The following TRIM26 variants were observed in gnomAD, a reference collection of about 807,000 sequenced individuals.
The protein encoded by TRIM26 is tripartite motif containing 26.
A neutral mutation model predicts 45.5 loss-of-function variants in TRIM26; 16 were observed. The ratio of observed to expected loss-of-function variants is 0.35; its 90% CI spans 0.24 to 0.53. The LOEUF is 0.53. Among genes scored for constraint, TRIM26 ranks in the 20% least tolerant of loss-of-function variants. The pLI, the probability that TRIM26 is intolerant of heterozygous loss-of-function variation, is 0.92. For missense variants in TRIM26, 442 were observed against 691.1 expected, an observed-to-expected ratio of 0.64 and a Z score of 4.04; for synonymous variants, 273 against 290.4, an observed-to-expected ratio of 0.94 and a Z score of 0.61.
rs1775261951 is a variant in TRIM26, at chr6:30,186,977, A to G, written c.938-419T>C. On this transcript the variant is annotated intron_variant, in intron 9 of 9. Transcript: ENST00000454678. This position sits in a 1 kb window ranked among gnomAD's most constrained non-coding sequence, Gnocchi z 7.4. The stretch of plus-strand genomic sequence containing the variant: ...TCCTCTTTTTCAAGTAACTCTTGAT[A>G]TGCTTCTTGGTAATCCGGATCAGCT... 2 of 442,114 alleles carry G rather than the reference A, an allele frequency of 4.5e-6. No individual in the cohort carries two copies. Among genetic ancestry groups the G allele is most frequent in the Admixed American group, 7.5e-5 (2 of 26,534 alleles). 27.4% of individuals were successfully genotyped at this position (442,114 alleles called of 1,614,324 possible).
chr6:30,192,573 C>T (rs1394660552), intron 6 of TRIM26, among the ~76,000 whole-genome samples: 1 of 152,140 alleles, frequency 6.6e-6, no homozygotes, highest in Non-Finnish European at 1.5e-5. Flanking sequence ...GAGACAGGAT[C>T]TCACTATGTT....
At position 30,186,719 on chromosome 6, in the gene TRIM26, A is replaced by T; in HGVS notation, c.938-161T>A. On this transcript the variant is annotated intron_variant, in intron 9 of 9. Coordinates refer to ENST00000454678, the MANE Select transcript of TRIM26 (RefSeq NM_003449.5). The surrounding 1 kb of genome is among the most constrained non-coding windows in gnomAD (Gnocchi z 7.4). ...ATCCTTAATTTGGTATAAGTGTGAC[A>T]CATTTTCTGGCTTTGTATTCTGCTA... is the stretch of plus-strand genomic sequence containing the variant. 9.2e-7 allele frequency: 1 copy of T among 1,082,392 alleles called. No homozygotes were observed. 67.0% of individuals were successfully genotyped at this position (1,082,392 alleles called of 1,614,324 possible). A position where few individuals can be genotyped will look rare whatever the true frequency, so the allele number is the denominator to read the frequency against.
At position 30,199,068 on chromosome 6, in the gene TRIM26, C is replaced by T. The variant is rs755835069; in HGVS notation, c.36G>A (p.Glu12=). Reference sequence around the variant, plus strand: ...CAAGACAGATGGAGCAGGTCACCTCCTCTTCCAGGCTCCGTAGTGGGGCTG... The same window carrying T: ...CAAGACAGATGGAGCAGGTCACCTCTTCTTCCAGGCTCCGTAGTGGGGCTG... The part of the protein sequence containing the change: ...ATSAPLRSLE[E]EVTCSICLDY... Residue 12 remains glutamate, a synonymous_variant, in exon 4 of 10, where the codon GAG becomes GAA. Transcript: ENST00000454678. The T allele has an allele frequency of 2.0e-5, 31 of 1,585,480 alleles. No individual in the cohort carries two copies. The highest frequency in any genetic ancestry group is 2.4e-5 in the Non-Finnish European group (28 of 1,161,802).
intron 9 of TRIM26, chr6:30,188,558 G>T: frequency 4.1e-6 from 1 of 241,942 alleles, no homozygotes. Flanking sequence ...GTTCTGCTAT[G>T]GGATTTTATC....
intron 9 of TRIM26, chr6:30,187,499 T>C: frequency 1.9e-6 from 1 of 524,290 alleles, no homozygotes. Context: ...CTTCATCCCC[T>C]TTTGCAGCTT....
At position 30,198,595 on chromosome 6, in the gene TRIM26, T is replaced by C. The variant is rs1014606256; in HGVS notation, c.438+71A>G. 6.2e-7 allele frequency: 1 copy of C among 1,610,920 alleles called. No homozygotes were observed. The highest frequency in any genetic ancestry group is 1.7e-5 in the Admixed American group (1 of 59,940). ...GGCAGGAAGGGAGACTCAGGCTGAG[T>C]CCTCTGAGGACTGCAAGGTGGAGCA... On this transcript the variant is annotated intron_variant, in intron 4 of 9. Transcript: ENST00000454678. This position sits in a 1 kb window ranked among gnomAD's most constrained non-coding sequence, Gnocchi z 6.3.
At position 30,199,096 on chromosome 6, in the gene TRIM26, G is replaced by T. The variant is rs748623976; in HGVS notation, c.8C>A (p.Thr3Lys). 3 of 1,559,178 alleles carry T rather than the reference G, an allele frequency of 1.9e-6. No homozygotes were observed. Among genetic ancestry groups the T allele is most frequent in the African/African-American group, 2.7e-5 (2 of 73,594 alleles). The change falls in exon 4 of 10, where the codon ACG (threonine) becomes AAG (lysine). Residue 3 changes from threonine to lysine, a missense_variant. Thr to Lys is a moderately conservative substitution (Grantham distance 78). Coordinates refer to ENST00000454678, the MANE Select transcript of TRIM26 (RefSeq NM_003449.5). MA[T>K]SAPLRSLEEE... Reference sequence around the variant, plus strand: ...TTCCAGGCTCCGTAGTGGGGCTGACGTGGCCATGGTATCCTTAGTTCAGAG... The same window carrying T: ...TTCCAGGCTCCGTAGTGGGGCTGACTTGGCCATGGTATCCTTAGTTCAGAG...
chr6:30,203,893 T>C (rs1777454932), intron 2 of TRIM26, among the ~76,000 whole-genome samples: 1 of 150,948 alleles, frequency 6.6e-6, no homozygotes, highest in South Asian at 2.1e-4. Flanking sequence ...GCTAGAAAAG[T>C]TTTCTGGGGA....
Position 30,189,465 on chromosome 6 carries a change from A to G in TRIM26, c.857T>C (p.Phe286Ser). Residue 286 changes from phenylalanine (F) to serine (S), a missense_variant, in exon 8 of 10, where the codon TTC becomes TCC. Phe to Ser is a radical substitution (Grantham distance 155, BLOSUM62 -2). Coordinates refer to ENST00000454678, the MANE Select transcript of TRIM26 (RefSeq NM_003449.5). The surrounding 1 kb of genome is among the most constrained non-coding windows in gnomAD (Gnocchi z 5.0). ...TTGCAGAGAGAGGAGTTTATCTGAG[A>G]ATTCTCCGGTCTTTTTTTTAACCAC... ...ARVVKKKTGE[F>S]SDKLLSLQRG... 1 of 1,612,910 alleles carries G rather than the reference A, an allele frequency of 6.2e-7. No individual in the cohort carries two copies.
At chr6:30,210,002 C>A (rs1342494557) in intron 1 of TRIM26, among the ~76,000 whole-genome samples, 1 of 151,896 alleles carries the variant, frequency 6.6e-6, no homozygotes, top group East Asian at 1.9e-4. Context: ...GTCAAGAGAT[C>A]GAGACCATCC....
rs1581661460 is a variant in TRIM26 at position 30,190,689 on chromosome 6, A to T, written c.766-654T>A. On this transcript the variant is annotated intron_variant, in intron 6 of 9. Coordinates refer to ENST00000454678, the MANE Select transcript of TRIM26 (RefSeq NM_003449.5). This position sits in a 1 kb window ranked among gnomAD's most constrained non-coding sequence, Gnocchi z 4.3. ...ACCATAATTCTGGGCATTGTCCTTT[A>T]AAAAAAGAAAATTGCTTTCTACTTC... is the stretch of plus-strand genomic sequence containing the variant. Among the ~76,000 whole-genome samples the T allele has an allele frequency of 6.6e-6, 1 of 152,174 alleles. No homozygotes were observed. Among genetic ancestry groups the T allele is most frequent in the African/African-American group, 2.4e-5 (1 of 41,424 alleles).
chr6:30,195,889 G>A (rs1201950290), intron 6 of TRIM26, among the ~76,000 whole-genome samples: 1 of 152,194 alleles, frequency 6.6e-6, no homozygotes, highest in Non-Finnish European at 1.5e-5. Context: ...GGGGGGAGGA[G>A]ATGTGGTGCC....
At chr6:30,201,874 G>A (rs952049167) in intron 2 of TRIM26, among the ~76,000 whole-genome samples, 1 of 151,974 alleles carries the variant, frequency 6.6e-6, no homozygotes, top group Non-Finnish European at 1.5e-5. Flanking sequence ...AGAAATGCTA[G>A]GAATTGCCTG....
At chr6:30,206,021 G>A (rs1211793392) in intron 1 of TRIM26, among the ~76,000 whole-genome samples, 1 of 152,204 alleles carries the variant, frequency 6.6e-6, no homozygotes, top group African/African-American at 2.4e-5. Flanking sequence ...CTCCAAACAA[G>A]AGCAAAGCAC....
rs1323089175 is a variant in TRIM26, at chr6:30,198,456, C to T, written c.507G>A (p.Lys169=). The change falls in exon 5 of 10, where the codon AAG becomes AAA. Residue 169 remains lysine, a synonymous_variant. Transcript: ENST00000454678. This position sits in a 1 kb window ranked among gnomAD's most constrained non-coding sequence, Gnocchi z 6.3. ...DRDKIQGFQA[K]GEADILAALK... is the part of the protein sequence containing the mutation. Reference sequence around the variant, plus strand: ...GCGCGGCCAGGATATCAGCTTCTCCCTTTGCCTGGAAGCCCTGAATTTTGT... The same window carrying T: ...GCGCGGCCAGGATATCAGCTTCTCCTTTTGCCTGGAAGCCCTGAATTTTGT... The T allele has an allele frequency of 1.2e-6, 2 of 1,612,978 alleles. No homozygotes were observed. The highest frequency in any genetic ancestry group is 8.5e-7 in the Non-Finnish European group (1 of 1,180,040).
chr6:30,197,653 C>G (rs967137998), intron 5 of TRIM26, among the ~76,000 whole-genome samples: 3 of 152,108 alleles, frequency 2.0e-5, no homozygotes, highest in Admixed American at 2.0e-4. Context: ...TCCAAGGATG[C>G]TCAAGTTCTT....
In TRIM26 at chr6:30,186,410, G is replaced by A; in HGVS notation, c.1086C>T (p.Gly362=). The A allele has an allele frequency of 6.2e-7, 1 of 1,610,822 alleles. No homozygotes were observed. Among genetic ancestry groups the A allele is most frequent in the Non-Finnish European group, 8.5e-7 (1 of 1,178,722 alleles). The change falls in exon 10 of 10, where the codon GGC becomes GGT. Residue 362 remains glycine, a synonymous_variant. Transcript: ENST00000454678. This position sits in a 1 kb window ranked among gnomAD's most constrained non-coding sequence, Gnocchi z 7.4. ...DCEPGVLGSK[G]FTWGKVYWEV... ...CCCAGTAGACCTTGCCCCAGGTGAA[G>A]CCCTTGCTGCCTAGCACCCCAGGCT...
At chr6:30,191,292 G>C (rs1775806817) in intron 6 of TRIM26, among the ~76,000 whole-genome samples, 1 of 151,616 alleles carries the variant, frequency 6.6e-6, no homozygotes, top group Non-Finnish European at 1.5e-5. Flanking sequence ...TGAGTCAAAA[G>C]CCTCCTTAAT....
chr6:30,201,968 G>A (rs927797288), intron 2 of TRIM26, among the ~76,000 whole-genome samples: 5 of 152,216 alleles, frequency 3.3e-5, no homozygotes, highest in African/African-American at 1.2e-4. Context: ...TGTTTGGAAA[G>A]AGGAAAAAGG....
Sources: allele counts gnomAD v4.1 joint callset (sites outside exome capture counted in the v4.1 genomes callset), GRCh38; gene constraint gnomAD v4.1.1; non-coding constraint Gnocchi (gnomAD v3.1); transcripts MANE v1.5; gene names NCBI Gene and HGNC (gene_info 2026-07-23, HGNC 2026-07-21).